Variants in LIN9 observed in about 807,000 individuals in gnomAD.
LIN9 encodes protein lin-9 homolog.
LIN9 carries 18 observed loss-of-function variants against 78.0 expected under a neutral mutation model. The ratio of observed to expected loss-of-function variants is 0.23; its 90% confidence interval spans 0.16 to 0.34. LIN9 has a LOEUF of 0.34. LIN9 is among the 10% of genes least tolerant of loss of function. The pLI, the probability that LIN9 is intolerant of heterozygous loss-of-function variation, is 1.00. For missense variants in LIN9, 451 were observed against 644.1 expected, an observed-to-expected ratio of 0.70 and a Z score of 3.25; for synonymous variants, 192 against 215.2, an observed-to-expected ratio of 0.89 and a Z score of 0.94.
intron 1 of LIN9, among the ~76,000 whole-genome samples, chr1:226,303,064 A>G (rs922521448): frequency 1.3e-5 from 2 of 152,264 alleles, no homozygotes; most frequent in African/African-American, 4.8e-5. Context: ...AAAAGGCAGT[A>G]AAGTCATGGG....
intron 5 of LIN9, among the ~76,000 whole-genome samples, chr1:226,287,119 C>G (rs1015855984): frequency 1.3e-5 from 2 of 152,138 alleles, no homozygotes; most frequent in Non-Finnish European, 2.9e-5. Flanking sequence ...GCAGCAATGA[C>G]TGGCATATGA....
intron 10 of LIN9, among the ~76,000 whole-genome samples, chr1:226,256,697 T>TACAGGCGCCCACC (rs1659219465): frequency 6.6e-6 from 1 of 151,510 alleles, no homozygotes; most frequent in Non-Finnish European, 1.5e-5. Context: ...TAGCTGGGAC[T>TACAGGCGCCCACC]ACAGGCGCCC....
intron 11 of LIN9, among the ~76,000 whole-genome samples, chr1:226,246,005 T>A (rs1658452984): frequency 6.6e-6 from 1 of 152,218 alleles, no homozygotes; most frequent in African/African-American, 2.4e-5. Flanking sequence ...CCTATATGTA[T>A]ATACACCCCT....
At chr1:226,266,782 CTTTTTT>C (rs200745559) in intron 8 of LIN9, among the ~76,000 whole-genome samples, 187 of 141,570 alleles carry the variant, frequency 1.3e-3, no homozygotes, top group Non-Finnish European at 2.5e-3. Context: ...AAGCAATTTA[CTTTTTT>C]TTTTTTTTGA....
chr1:226,305,927 T>C (rs1344449516), intron 1 of LIN9, among the ~76,000 whole-genome samples: 1 of 152,076 alleles, frequency 6.6e-6, no homozygotes, highest in African/African-American at 2.4e-5. Flanking sequence ...GAAGAAATGG[T>C]AACAGTTTGG....
chr1:226,265,042 C>T lies in LIN9; in HGVS notation c.1038+491G>A, dbSNP rs1476636707. 6.6e-6 allele frequency among the ~76,000 whole-genome samples: 1 copy of T among 152,168 alleles called. No individual in the cohort carries two copies. Among genetic ancestry groups the T allele is most frequent in the African/African-American group, 2.4e-5 (1 of 41,432 alleles). ...AAGGAAATTTTCCAATATAATACTT[C>T]TACACTTAGTTCAGTTTAGGCTTAG... On this transcript the variant is annotated intron_variant, in intron 10 of 14. Transcript: ENST00000681046. This position sits in a 1 kb window ranked among gnomAD's most constrained non-coding sequence, Gnocchi z 4.1.
Position 226,265,609 on chromosome 1 carries a change from G to T in LIN9, c.962C>A (p.Ser321Ter). Reference protein sequence around the residue: ...IIDNDPLLGQSPWRSKISGSD... With the variant: ...IIDNDPLLGQ The stretch of plus-strand genomic sequence containing the variant: ...GCCAGAAATTTTACTTCTCCACGGC[G>T]ACTGTCCTAATAAAGGATCATTATC... The change falls in exon 10 of 15, where the codon TCG becomes TAG. Residue 321 changes from serine (S) to a stop codon, truncating the protein, a stop_gained. Transcript: ENST00000681046. LOFTEE classifies it high-confidence loss of function. The surrounding 1 kb of genome is among the most constrained non-coding windows in gnomAD (Gnocchi z 4.1). The T allele has an allele frequency of 6.2e-7, 1 of 1,605,178 alleles. No individual in the cohort carries two copies. Among genetic ancestry groups the T allele is most frequent in the South Asian group, 1.1e-5 (1 of 90,818 alleles).
intron 7 of LIN9, among the ~76,000 whole-genome samples, chr1:226,275,543 A>G (rs1020023674): frequency 6.6e-5 from 10 of 151,834 alleles, no homozygotes; most frequent in African/African-American, 2.2e-4. Context: ...AAAATACAAA[A>G]TATGTCGGGT....
chr1:226,284,196 G>C (rs1385781688), intron 6 of LIN9, among the ~76,000 whole-genome samples: 1 of 151,914 alleles, frequency 6.6e-6, no homozygotes, highest in East Asian at 1.9e-4. Flanking sequence ...GTCAACCATT[G>C]CAACTATTAT....
intron 3 of LIN9, among the ~76,000 whole-genome samples, chr1:226,296,780 G>A (rs1364083830): frequency 1.3e-5 from 2 of 152,036 alleles, no homozygotes; most frequent in Non-Finnish European, 2.9e-5. Context: ...CAGCACTTTG[G>A]AAGGCCGAGG....
chr1:226,298,669 T>C (rs1285426922), intron 2 of LIN9, among the ~76,000 whole-genome samples: 3 of 152,162 alleles, frequency 2.0e-5, no homozygotes, highest in South Asian at 4.1e-4. Context: ...GAGACCAACC[T>C]GCCCAACATG....
At chr1:226,295,696 C>A in intron 4 of LIN9, 146 bp downstream of exon 4, 1 of 534,128 alleles carries the variant, frequency 1.9e-6, no homozygotes, top group Non-Finnish European at 3.3e-6. Context: ...ATAACATTTT[C>A]TAGGTAACTA....
intron 12 of LIN9, among the ~76,000 whole-genome samples, chr1:226,238,038 C>T (rs1325724876): frequency 1.3e-5 from 2 of 151,920 alleles, no homozygotes; most frequent in African/African-American, 4.8e-5. Flanking sequence ...AATTCAGGAG[C>T]ATTTTAAACT....
intron 1 of LIN9, among the ~76,000 whole-genome samples, chr1:226,305,851 T>A (rs768755508): frequency 1.3e-5 from 2 of 152,212 alleles, no homozygotes; most frequent in African/African-American, 2.4e-5. Flanking sequence ...TTTGAAAGGA[T>A]CCCTCTCGCT....
chr1:226,252,827 C>T (rs1187190417), intron 10 of LIN9, among the ~76,000 whole-genome samples: 1 of 151,940 alleles, frequency 6.6e-6, no homozygotes, highest in African/African-American at 2.4e-5. Context: ...ATTAGCAGTG[C>T]GTGGTGGTGG....
chr1:226,236,557 G>A (rs564821305), intron 12 of LIN9, among the ~76,000 whole-genome samples: 67 of 152,220 alleles, frequency 4.4e-4, no homozygotes, highest in African/African-American at 1.4e-3. Context: ...CTGGGTTCAC[G>A]CCATTCTCCT....
In LIN9 at chr1:226,277,924, G is replaced by C; in HGVS notation, c.533C>G (p.Ser178Cys). 1.2e-6 allele frequency: 2 copies of C among 1,610,122 alleles called. No homozygotes were observed. The highest frequency in any genetic ancestry group is 1.3e-5 in the African/African-American group (1 of 74,888). The change falls in exon 7 of 15, where the codon TCT becomes TGT. Residue 178 changes from serine to cysteine, a missense_variant. Physicochemically the swap from Ser to Cys is moderately radical, Grantham distance 112 (BLOSUM62 -1). Transcript: ENST00000681046. The stretch of plus-strand genomic sequence containing the variant: ...TGATCTCTCTTCCTCAAAAAATGCA[G>C]AAGAACATCTAGAATAAATTATAAA... ...RLMGKPRRCS[S>C]AFFEEERSAL...
At position 226,286,194 on chromosome 1, in the gene LIN9, A is replaced by G; in HGVS notation, c.524+139T>C. 3 of 734,858 alleles carry G rather than the reference A, an allele frequency of 4.1e-6. No homozygotes were observed. The South Asian group carries it at 6.1e-5, about 15-fold the overall frequency. 45.5% of individuals were successfully genotyped at this position (734,858 alleles called of 1,614,324 possible). A position where few individuals can be genotyped will look rare whatever the true frequency, so the allele number is the denominator to read the frequency against. Reference sequence around the variant, plus strand: ...AGTGCAGTGACTATTCACAGGTGTAATCACAGCATACTACAGCCCTGAACC... The same window carrying G: ...AGTGCAGTGACTATTCACAGGTGTAGTCACAGCATACTACAGCCCTGAACC... On this transcript the variant is annotated intron_variant, in intron 6 of 14. Transcript: ENST00000681046.
chr1:226,296,453 T>A (rs894528196), intron 3 of LIN9, among the ~76,000 whole-genome samples: 1 of 152,168 alleles, frequency 6.6e-6, no homozygotes, highest in Non-Finnish European at 1.5e-5. Context: ...AAGATACATA[T>A]GATAGATACC....
Sources: gnomAD v4.1 joint callset for allele counts (sites outside exome capture counted in the v4.1 genomes callset) on GRCh38, gnomAD v4.1.1 for gene constraint, Gnocchi (gnomAD v3.1) non-coding constraint, MANE v1.5 for transcripts, NCBI Gene and HGNC (gene_info 2026-07-23, HGNC 2026-07-21) for gene names.